OR6C2: variants seen among roughly 807,000 people sequenced by gnomAD.
The protein encoded by OR6C2 is olfactory receptor 6C2.
For missense variants in OR6C2, 435 were observed against 365.8 expected, an observed-to-expected ratio of 1.19 and a Z score of -1.54; for synonymous variants, 146 against 134.2, an observed-to-expected ratio of 1.09 and a Z score of -0.61.
rs1199572827 is a variant in OR6C2, at chr12:55,451,417, T to C, written c.-797T>C. The stretch of plus-strand genomic sequence containing the variant: ...CGAATAAGTGAGAACATACGATGTC[T>C]TTCTAAAGGACCTAAAGATATATTG... On this transcript the variant is annotated 5_prime_UTR_variant, in exon 2 of 2. Coordinates refer to ENST00000641202, the MANE Select transcript of OR6C2 (RefSeq NM_054105.2). The C allele has an allele frequency of 2.0e-5, 3 of 152,026 alleles. No individual in the cohort carries two copies. Among genetic ancestry groups the C allele is most frequent in the African/African-American group, 7.2e-5 (3 of 41,410 alleles). The allele number at this position is 152,026 out of a possible 1,614,324, so 9.4% of individuals were successfully genotyped here. A position where few individuals can be genotyped will look rare whatever the true frequency, so the allele number is the denominator to read the frequency against.
In OR6C2 at chr12:55,451,319, C is replaced by T. The variant is rs1209886371; in HGVS notation, c.-887-8C>T. On this transcript the variant is annotated splice_region_variant and splice_polypyrimidine_tract_variant and intron_variant, in intron 1 of 1. Transcript: ENST00000641202. ...ACCTACCCCCGAACCCCCCACTATACTTCCCAGCCTCTGGTAAACATCCTT... is the reference window on the plus strand; with the variant it reads ...ACCTACCCCCGAACCCCCCACTATATTTCCCAGCCTCTGGTAAACATCCTT... The T allele has an allele frequency of 6.6e-6, 1 of 151,930 alleles. No homozygotes were observed. The highest frequency in any genetic ancestry group is 1.5e-5 in the Non-Finnish European group (1 of 67,954). 9.4% of individuals were successfully genotyped at this position (151,930 alleles called of 1,614,324 possible).
intron 1 of OR6C2, among the ~76,000 whole-genome samples, chr12:55,450,255 C>T (rs1250068344): frequency 6.6e-6 from 1 of 152,070 alleles, no homozygotes; most frequent in Non-Finnish European, 1.5e-5. Flanking sequence ...TTCACATTCA[C>T]TGTGTGGGTA....
chr12:55,447,313 T>C (rs1253039161), intron 1 of OR6C2, among the ~76,000 whole-genome samples: 1 of 139,108 alleles, frequency 7.2e-6, no homozygotes, highest in Non-Finnish European at 1.6e-5. Flanking sequence ...GGATTCTTTT[T>C]AGTTTTTGGG....
rs779276515 is a variant in OR6C2, at chr12:55,452,292, A to T, written c.79A>T (p.Ile27Phe). The change falls in exon 2 of 2, where the codon ATC becomes TTC. Residue 27 changes from isoleucine to phenylalanine, a missense_variant. Ile to Phe is a conservative substitution (Grantham distance 21). Transcript: ENST00000641202. The part of the protein sequence containing the change: ...GDPHLQVLLF[I>F]FLFLTYMLSV... Reference sequence around the variant, plus strand: ...CCCACACCTGCAAGTTCTGCTTTTTATCTTTCTATTTCTCACCTACATGTT... The same window carrying T: ...CCCACACCTGCAAGTTCTGCTTTTTTTCTTTCTATTTCTCACCTACATGTT... 4 of 1,613,322 alleles carry T rather than the reference A, an allele frequency of 2.5e-6. No individual in the cohort carries two copies. Among genetic ancestry groups the T allele is most frequent in the Non-Finnish European group, 3.4e-6 (4 of 1,179,582 alleles).
Position 55,451,597 on chromosome 12 carries a change from T to C in OR6C2, c.-617T>C, listed in dbSNP as rs905371336. On this transcript the variant is annotated 5_prime_UTR_variant, in exon 2 of 2. Coordinates refer to ENST00000641202, the MANE Select transcript of OR6C2 (RefSeq NM_054105.2). ...TTGAACACAACTTTTTCTCACATTA[T>C]AGATAAAATAATTGTACATCAACCC... The C allele has an allele frequency of 2.0e-5, 3 of 152,030 alleles. No individual in the cohort carries two copies. The highest frequency in any genetic ancestry group is 2.9e-5 in the Non-Finnish European group (2 of 67,982). 9.4% of individuals were successfully genotyped at this position (152,030 alleles called of 1,614,324 possible). A position where few individuals can be genotyped will look rare whatever the true frequency, so the allele number is the denominator to read the frequency against.
chr12:55,447,155 C>T (rs1871378439), intron 1 of OR6C2, among the ~76,000 whole-genome samples: 1 of 152,110 alleles, frequency 6.6e-6, no homozygotes, highest in Non-Finnish European at 1.5e-5. Context: ...TCATGGTCCT[C>T]ACTATATACG....
chr12:55,447,102 A>C (rs965073844), intron 1 of OR6C2, among the ~76,000 whole-genome samples: 2 of 152,192 alleles, frequency 1.3e-5, no homozygotes, highest in Non-Finnish European at 1.5e-5. Context: ...AATGTGCTGC[A>C]GCCTGTTAAT....
At chr12:55,445,861 A>T (rs888266010) in intron 1 of OR6C2, among the ~76,000 whole-genome samples, 1 of 152,170 alleles carries the variant, frequency 6.6e-6, no homozygotes, top group Non-Finnish European at 1.5e-5. Context: ...TCAAATATTG[A>T]TGTGCATATG....
chr12:55,448,655 A>AAAAAAAAAAAAG (rs1555179349), intron 1 of OR6C2, among the ~76,000 whole-genome samples: 3 of 147,326 alleles, frequency 2.0e-5, no homozygotes, highest in Non-Finnish European at 3.0e-5. Context: ...AAAAAAAAAA[A>AAAAAAAAAAAAG]AAAAGAAAGA....
rs1266773301 is a variant in OR6C2 at position 55,452,263 on chromosome 12, G to A, written c.50G>A (p.Gly17Asp). ...IRTFILLGLT[G>D]DPHLQVLLFI... ...ACTTTTATCCTGCTGGGACTGACAGGTGACCCACACCTGCAAGTTCTGCTT... is the reference window on the plus strand; with the variant it reads ...ACTTTTATCCTGCTGGGACTGACAGATGACCCACACCTGCAAGTTCTGCTT... The change falls in exon 2 of 2, where the codon GGT becomes GAT. Residue 17 changes from glycine to aspartate, a missense_variant. Gly to Asp is a moderately conservative substitution (Grantham distance 94, BLOSUM62 -1). Coordinates refer to ENST00000641202, the MANE Select transcript of OR6C2 (RefSeq NM_054105.2). The A allele has an allele frequency of 6.2e-7, 1 of 1,611,218 alleles. No individual in the cohort carries two copies. The highest frequency in any genetic ancestry group is 8.5e-7 in the Non-Finnish European group (1 of 1,178,684).
At chr12:55,445,190 T>G (rs148414512) in intron 1 of OR6C2, among the ~76,000 whole-genome samples, 186 of 152,314 alleles carry the variant, frequency 1.2e-3, no homozygotes, top group African/African-American at 4.1e-3. Context: ...GCCAGTATGC[T>G]CTGTTAGCAT....
Position 55,452,162 on chromosome 12 carries a change from C to T in OR6C2, c.-52C>T. The T allele has an allele frequency of 1.6e-6, 2 of 1,217,096 alleles. No individual in the cohort carries two copies. The highest frequency in any genetic ancestry group is 2.3e-6 in the Non-Finnish European group (2 of 864,910). 75.4% of individuals were successfully genotyped at this position (1,217,096 alleles called of 1,614,324 possible). A position where few individuals can be genotyped will look rare whatever the true frequency, so the allele number is the denominator to read the frequency against. On this transcript the variant is annotated 5_prime_UTR_variant, in exon 2 of 2. Transcript: ENST00000641202. ...GCTATAGAATTCAAATATCTACCCC[C>T]TCATAAACCGTGATTTTTAAAGGAG...
At position 55,447,004 on chromosome 12, in the gene OR6C2, T is replaced by C. The variant is rs116924043; in HGVS notation, c.-888+2845T>C. On this transcript the variant is annotated intron_variant, in intron 1 of 1. Coordinates refer to ENST00000641202, the MANE Select transcript of OR6C2 (RefSeq NM_054105.2). ...TCCTCTCCAAACCGTATTGTTGAACTTACACCTGTAGATGCAATTCACCGA... is the reference window on the plus strand; with the variant it reads ...TCCTCTCCAAACCGTATTGTTGAACCTACACCTGTAGATGCAATTCACCGA... 5.1e-4 allele frequency among the ~76,000 whole-genome samples: 77 copies of C among 152,268 alleles called. No individual in the cohort carries two copies. In the East Asian group the frequency reaches 0.014, roughly 28 times the overall value.
chr12:55,445,244 A>G (rs2120673283), intron 1 of OR6C2, among the ~76,000 whole-genome samples: 1 of 152,182 alleles, frequency 6.6e-6, no homozygotes, highest in African/African-American at 2.4e-5. Context: ...CTCTTAACAG[A>G]TTTGTATTAG....
At chr12:55,447,626 C>G (rs996296975) in intron 1 of OR6C2, among the ~76,000 whole-genome samples, 2 of 152,034 alleles carry the variant, frequency 1.3e-5, no homozygotes, top group African/African-American at 4.8e-5. Context: ...CTTAGTATAA[C>G]CTCTTGTAGG....
At chr12:55,449,474 G>C (rs191992298) in intron 1 of OR6C2, among the ~76,000 whole-genome samples, 193 of 151,954 alleles carry the variant, frequency 1.3e-3, no homozygotes, top group African/African-American at 4.4e-3. Context: ...TTACTTTTGA[G>C]TGACCCTAAA....
At chr12:55,447,682 C>G (rs969699811) in intron 1 of OR6C2, among the ~76,000 whole-genome samples, 1 of 152,048 alleles carries the variant, frequency 6.6e-6, no homozygotes, top group African/African-American at 2.4e-5. Flanking sequence ...CTTTTTAAAG[C>G]TGAACAACAT....
chr12:55,452,246 C>T lies in OR6C2; in HGVS notation c.33C>T (p.Ile11=). The T allele has an allele frequency of 6.3e-7, 1 of 1,597,054 alleles. No individual in the cohort carries two copies. Among genetic ancestry groups the T allele is most frequent in the Non-Finnish European group, 8.5e-7 (1 of 1,172,622 alleles). The change falls in exon 2 of 2, where the codon ATC becomes ATT. Residue 11 remains isoleucine, a synonymous_variant. Transcript: ENST00000641202. MKNHTVIRTF[I]LLGLTGDPHL... Reference sequence around the variant, plus strand: ...ACCACACAGTAATAAGAACTTTTATCCTGCTGGGACTGACAGGTGACCCAC... The same window carrying T: ...ACCACACAGTAATAAGAACTTTTATTCTGCTGGGACTGACAGGTGACCCAC...
At chr12:55,447,855 A>G (rs934955826) in intron 1 of OR6C2, among the ~76,000 whole-genome samples, 3 of 152,104 alleles carry the variant, frequency 2.0e-5, no homozygotes, top group Non-Finnish European at 1.5e-5. Flanking sequence ...ATATACCAAC[A>G]GGTGGGATTA....
Sources: allele counts gnomAD v4.1 joint callset (sites outside exome capture counted in the v4.1 genomes callset), GRCh38; gene constraint gnomAD v4.1.1; transcripts MANE v1.5; gene names NCBI Gene and HGNC (gene_info 2026-07-23, HGNC 2026-07-21).